The following CERS6 variants were observed in gnomAD, a reference collection of about 807,000 sequenced individuals.
The protein encoded by CERS6 is ceramide synthase 6.
CERS6 carries 26 observed loss-of-function variants against 56.8 expected under a neutral mutation model. The observed-to-expected ratio is 0.46, with a 90% CI of 0.34 to 0.63. The LOEUF is 0.63. Among genes scored for constraint, CERS6 ranks in the 30% least tolerant of loss-of-function variants. The probability of loss-of-function intolerance (pLI) is 0.01; values close to 1 mark genes in which losing one functional copy is unlikely to be tolerated. For synonymous variants in CERS6, 164 were observed against 173.3 expected (o/e 0.95, Z 0.42); for missense variants, 415 against 467.5 (o/e 0.89, Z 1.04).
At chr2:168,528,768 G>C (rs898125938) in intron 1 of CERS6, among the ~76,000 whole-genome samples, 2 of 152,180 alleles carry the variant, frequency 1.3e-5, no homozygotes. Context: ...GTGTGTTCTA[G>C]CAACAGCTTT....
At chr2:168,702,733 T>C (rs1054049288) in intron 6 of CERS6, among the ~76,000 whole-genome samples, 3 of 152,238 alleles carry the variant, frequency 2.0e-5, no homozygotes, top group Non-Finnish European at 2.9e-5. Flanking sequence ...TTTATTGATA[T>C]GATTTTAGAT....
At chr2:168,570,164 C>T (rs1695958423) in intron 3 of CERS6, among the ~76,000 whole-genome samples, 1 of 152,180 alleles carries the variant, frequency 6.6e-6, no homozygotes, top group Non-Finnish European at 1.5e-5. Flanking sequence ...GGACGAAGCT[C>T]TGATTCTGTG....
intron 8 of CERS6, among the ~76,000 whole-genome samples, chr2:168,746,562 G>A (rs984047455): frequency 6.6e-6 from 1 of 151,348 alleles, no homozygotes; most frequent in Non-Finnish European, 1.5e-5. Context: ...CTTTGTTTCT[G>A]TGGTACTATC....
intron 4 of CERS6, among the ~76,000 whole-genome samples, chr2:168,689,471 AT>A (rs1464602856): frequency 6.6e-6 from 1 of 152,158 alleles, no homozygotes; most frequent in Non-Finnish European, 1.5e-5. Flanking sequence ...AATTATTTTT[AT>A]TTTTTATTCT....
intron 3 of CERS6, among the ~76,000 whole-genome samples, chr2:168,592,095 A>AT (rs1179889250): frequency 6.6e-6 from 1 of 152,230 alleles, no homozygotes; most frequent in East Asian, 1.9e-4. Context: ...GGGGATGAGA[A>AT]TAAAATAAAT....
At position 168,560,602 on chromosome 2, in the gene CERS6, C is replaced by T. The variant is rs556880474; in HGVS notation, c.277-590C>T. ...AGTTAAAAAGGGATGACCAAGAAAACGAATAGAAGAGGAATGTGTGAAAAA... is the reference window on the plus strand; with the variant it reads ...AGTTAAAAAGGGATGACCAAGAAAATGAATAGAAGAGGAATGTGTGAAAAA... On this transcript the variant is annotated intron_variant, in intron 2 of 9. Transcript: ENST00000305747. Among the ~76,000 whole-genome samples, 11 of 151,880 alleles carry T rather than the reference C, an allele frequency of 7.2e-5. No homozygotes were observed. The South Asian group carries it at 1.5e-3, about 20-fold the overall frequency.
intron 1 of CERS6, among the ~76,000 whole-genome samples, chr2:168,519,729 T>G (rs775114816): frequency 1.3e-5 from 2 of 152,238 alleles, no homozygotes. Context: ...TCTTTTTTTA[T>G]GGCTGTGTAG....
At chr2:168,588,975 G>C (rs1683610850) in intron 3 of CERS6, among the ~76,000 whole-genome samples, 1 of 152,156 alleles carries the variant, frequency 6.6e-6, no homozygotes. Flanking sequence ...CCTGAGCTCA[G>C]GCAGTCTGCC....
intron 9 of CERS6, 39 bp downstream of exon 9, chr2:168,765,787 A>T (rs755716982): frequency 1.2e-5 from 19 of 1,575,544 alleles, no homozygotes; most frequent in East Asian, 1.1e-4. Context: ...GTCTTAAAAA[A>T]TTTTGTTTTT....
rs569627947 is a variant in CERS6, at chr2:168,723,987, G to A, written c.845+6009G>A. ...TTAGTGGGTCTCTCAGGATTTATCT[G>A]GTAGGAATTCCTTCCTAATGTGTCC... On this transcript the variant is annotated intron_variant, in intron 8 of 9. Coordinates refer to ENST00000305747, the MANE Select transcript of CERS6 (RefSeq NM_203463.3). 2.6e-5 allele frequency among the ~76,000 whole-genome samples: 4 copies of A among 152,290 alleles called. No individual in the cohort carries two copies. The East Asian group carries it at 7.7e-4, about 29-fold the overall frequency.
At chr2:168,549,327 G>T (rs566955805) in intron 2 of CERS6, among the ~76,000 whole-genome samples, 4 of 152,140 alleles carry the variant, frequency 2.6e-5, no homozygotes, top group Non-Finnish European at 5.9e-5. Context: ...TTGCAGCCAG[G>T]TTGACTTTTC....
intron 2 of CERS6, among the ~76,000 whole-genome samples, chr2:168,551,824 T>C (rs911389782): frequency 6.6e-6 from 1 of 152,224 alleles, no homozygotes; most frequent in Non-Finnish European, 1.5e-5. Context: ...CTTTAGTGAA[T>C]ATTTTTGAGC....
At position 168,757,912 on chromosome 2, in the gene CERS6, A is replaced by C. The variant is rs572671158; in HGVS notation, c.846-7680A>C. 2.6e-5 allele frequency among the ~76,000 whole-genome samples: 4 copies of C among 152,292 alleles called. No homozygotes were observed. In the South Asian group the frequency reaches 8.3e-4, roughly 32 times the overall value. ...CTTGTTAAAAGGAAGGAAATTGGAA[A>C]CATCGTTCTCAGCCTTGTAATAGCC... On this transcript the variant is annotated intron_variant, in intron 8 of 9. Coordinates refer to ENST00000305747, the MANE Select transcript of CERS6 (RefSeq NM_203463.3).
At chr2:168,487,660 C>G (rs1694299011) in intron 1 of CERS6, among the ~76,000 whole-genome samples, 1 of 152,098 alleles carries the variant, frequency 6.6e-6, no homozygotes, top group Non-Finnish European at 1.5e-5. Context: ...TTTTCTTAAG[C>G]TACTTTTATG....
At chr2:168,764,227 C>T (rs1684663911) in intron 8 of CERS6, among the ~76,000 whole-genome samples, 1 of 152,088 alleles carries the variant, frequency 6.6e-6, no homozygotes, top group East Asian at 1.9e-4. Flanking sequence ...ACTGCAAGCC[C>T]CACCTCCCAG....
rs1389703641 is a variant in CERS6, at chr2:168,676,512, T to G, written c.466-14522T>G. Reference sequence around the variant, plus strand: ...AGGTTCATAGTGGACTATACATGTTTTCCAAAATACTAACAATATTAACTT... The same window carrying G: ...AGGTTCATAGTGGACTATACATGTTGTCCAAAATACTAACAATATTAACTT... On this transcript the variant is annotated intron_variant, in intron 4 of 9. Coordinates refer to ENST00000305747, the MANE Select transcript of CERS6 (RefSeq NM_203463.3). Among the ~76,000 whole-genome samples, 9 of 152,364 alleles carry G rather than the reference T, an allele frequency of 5.9e-5. No individual in the cohort carries two copies. The East Asian group carries it at 1.7e-3, about 29-fold the overall frequency.
chr2:168,595,672 T>C (rs1046696600), intron 3 of CERS6, among the ~76,000 whole-genome samples: 26 of 152,320 alleles, frequency 1.7e-4, no homozygotes, highest in Non-Finnish European at 1.6e-4. Flanking sequence ...TTCAGATGTA[T>C]TGCAGCAAAT....
intron 1 of CERS6, among the ~76,000 whole-genome samples, chr2:168,503,059 G>C (rs375059529): frequency 1.3e-5 from 2 of 152,210 alleles, no homozygotes; most frequent in African/African-American, 2.4e-5. Context: ...TCATGGGGGT[G>C]GTTTCCCCCA....
chr2:168,585,954 C>T (rs569637584), intron 3 of CERS6, among the ~76,000 whole-genome samples: 153 of 152,250 alleles, frequency 1.0e-3, no homozygotes, highest in African/African-American at 3.4e-3. Flanking sequence ...TATACGTTAT[C>T]TTGAGTGCCA....
Sources: allele counts gnomAD v4.1 joint callset (sites outside exome capture counted in the v4.1 genomes callset), GRCh38; gene constraint gnomAD v4.1.1; transcripts MANE v1.5; gene names NCBI Gene and HGNC (gene_info 2026-07-23, HGNC 2026-07-21).